NPSR1: variants seen among roughly 807,000 people sequenced by gnomAD.
NPSR1 encodes neuropeptide S receptor 1, also known as neuropeptide S receptor.
NPSR1 carries 48 observed loss-of-function variants against 46.9 expected under a neutral mutation model. That is an observed-to-expected ratio of 1.02 (90% CI 0.81 to 1.30). The LOEUF is 1.30. NPSR1 is among the 50% of genes most tolerant of loss of function. The pLI, the probability that NPSR1 is intolerant of heterozygous loss-of-function variation, is 0.00. For missense variants in NPSR1, 450 were observed against 449.5 expected (o/e 1.00, Z -0.01); for synonymous variants, 176 against 168.1 (o/e 1.05, Z -0.36).
chr7:34,764,481 T>C (rs1435836208), intron 2 of NPSR1, among the ~76,000 whole-genome samples: 1 of 152,222 alleles, frequency 6.6e-6, no homozygotes, highest in African/African-American at 2.4e-5. Flanking sequence ...GAATTGTCTA[T>C]GGTTGCTTCC....
intron 8 of NPSR1, among the ~76,000 whole-genome samples, chr7:34,858,002 T>A (rs939007289): frequency 6.6e-6 from 1 of 151,784 alleles, no homozygotes; most frequent in Non-Finnish European, 1.5e-5. Flanking sequence ...GATATATGAG[T>A]ATGCATATTG....
intron 2 of NPSR1, among the ~76,000 whole-genome samples, chr7:34,689,304 C>T (rs749046004): frequency 6.6e-6 from 1 of 152,132 alleles, no homozygotes. Flanking sequence ...TTGAACTGCA[C>T]AATACAATAA....
At chr7:34,756,562 G>C (rs1366699597) in intron 2 of NPSR1, among the ~76,000 whole-genome samples, 1 of 152,166 alleles carries the variant, frequency 6.6e-6, no homozygotes, top group Non-Finnish European at 1.5e-5. Flanking sequence ...CATGAAAGCA[G>C]CCATGAGCAA....
intron 1 of NPSR1, among the ~76,000 whole-genome samples, chr7:34,675,005 A>T (rs1792244114): frequency 6.6e-6 from 1 of 152,250 alleles, no homozygotes. Flanking sequence ...AAACTACTAG[A>T]GTAAGCAGGG....
At chr7:34,830,203 TGGCCCCCTG>T (rs939871464) in intron 5 of NPSR1, among the ~76,000 whole-genome samples, 4 of 151,998 alleles carry the variant, frequency 2.6e-5, no homozygotes, top group Non-Finnish European at 5.9e-5. Context: ...ACCTATATTC[TGGCCCCCTG>T]GGCTCAATTC....
intron 6 of NPSR1, among the ~76,000 whole-genome samples, chr7:34,842,636 C>T (rs1024802627): frequency 3.3e-5 from 5 of 152,198 alleles, no homozygotes; most frequent in African/African-American, 1.2e-4. Flanking sequence ...TTTGAAGACC[C>T]TAATAGTAGT....
At chr7:34,715,674 C>T (rs1367306016) in intron 2 of NPSR1, among the ~76,000 whole-genome samples, 1 of 152,180 alleles carries the variant, frequency 6.6e-6, no homozygotes, top group Non-Finnish European at 1.5e-5. Flanking sequence ...GTCCTCAGAT[C>T]AAAGCAGCCC....
intron 2 of NPSR1, chr7:34,711,173 C>A (rs888949669): frequency 2.0e-5 from 4 of 204,664 alleles, no homozygotes; most frequent in Non-Finnish European, 4.0e-5. Flanking sequence ...ATATATTGCA[C>A]GAGGGTACCC....
chr7:34,802,518 G>T (rs984164719), intron 3 of NPSR1, among the ~76,000 whole-genome samples: 1 of 150,440 alleles, frequency 6.6e-6, no homozygotes, highest in Non-Finnish European at 1.5e-5. Flanking sequence ...GCCATATGTA[G>T]AAAGCTGAAA....
At chr7:34,689,248 G>C (rs955098807) in intron 2 of NPSR1, among the ~76,000 whole-genome samples, 4 of 152,208 alleles carry the variant, frequency 2.6e-5, no homozygotes, top group African/African-American at 4.8e-5. Context: ...ATTTGAGTCA[G>C]CTGCAGCTGA....
intron 5 of NPSR1, among the ~76,000 whole-genome samples, chr7:34,832,738 TGTGTACATG>T (rs1301099927): frequency 6.6e-6 from 1 of 152,202 alleles, no homozygotes; most frequent in Non-Finnish European, 1.5e-5. Context: ...ACTTTTCCCC[TGTGTACATG>T]GTTGATAACC....
At chr7:34,755,797 T>A (rs79345539) in intron 2 of NPSR1, among the ~76,000 whole-genome samples, 19,804 of 151,234 alleles carry the variant, frequency 0.13, 1,571 homozygotes, top group Non-Finnish European at 0.18. Flanking sequence ...AAAAAAAAAA[T>A]AATAGTAATA....
rs140923295 is a variant in NPSR1, at chr7:34,847,044, C to G, written c.845-1439C>G. 5.6e-3 allele frequency among the ~76,000 whole-genome samples: 853 copies of G among 152,246 alleles called. 6 individuals carry two copies. Among genetic ancestry groups the G allele is most frequent in the Non-Finnish European group, 7.2e-3 (491 of 68,026 alleles). Reference sequence around the variant, plus strand: ...TTAGTGCCCCAAATACTGTTCAGCGCCAGTGTTTGGGTTAATTAATCAGGA... The same window carrying G: ...TTAGTGCCCCAAATACTGTTCAGCGGCAGTGTTTGGGTTAATTAATCAGGA... On this transcript the variant is annotated intron_variant, in intron 7 of 8. Coordinates refer to ENST00000360581, the MANE Select transcript of NPSR1 (RefSeq NM_207172.2).
chr7:34,685,922 T>G (rs1792905892), intron 2 of NPSR1: 2 of 244,094 alleles, frequency 8.2e-6, no homozygotes, highest in African/African-American at 2.4e-5. Flanking sequence ...TTTTCACTCC[T>G]ATAACCGTAG....
intron 6 of NPSR1, among the ~76,000 whole-genome samples, chr7:34,837,727 A>G (rs947858086): frequency 6.6e-6 from 1 of 152,222 alleles, no homozygotes; most frequent in Non-Finnish European, 1.5e-5. Context: ...ATGCACACAT[A>G]TCGAATGCAC....
At position 34,849,259 on chromosome 7, in the gene NPSR1, G is replaced by A. The variant is rs970729838; in HGVS notation, c.1026-306G>A. 2.4e-5 allele frequency: 25 copies of A among 1,044,756 alleles called. No individual in the cohort carries two copies. The Middle Eastern group carries it at 7.8e-4, about 33-fold the overall frequency. 64.7% of individuals were successfully genotyped at this position (1,044,756 alleles called of 1,614,324 possible). A position where few individuals can be genotyped will look rare whatever the true frequency, so the allele number is the denominator to read the frequency against. ...TATCTTGCCATTGTTTATTCGTAGC[G>A]ATGTGTGACCTTGGGCAAGTTATTT... On this transcript the variant is annotated intron_variant, in intron 8 of 8. Transcript: ENST00000360581.
intron 2 of NPSR1, among the ~76,000 whole-genome samples, chr7:34,699,323 A>G (rs184800742): frequency 1.3e-5 from 2 of 152,210 alleles, no homozygotes; most frequent in African/African-American, 4.8e-5. Context: ...CTACTAAAAA[A>G]TTTTTTAAAT....
At chr7:34,695,187 A>C (rs933935514) in intron 2 of NPSR1, among the ~76,000 whole-genome samples, 6 of 152,246 alleles carry the variant, frequency 3.9e-5, no homozygotes, top group Non-Finnish European at 2.9e-5. Context: ...ACCCATCTTT[A>C]ACAAAGCTGA....
intron 2 of NPSR1, among the ~76,000 whole-genome samples, chr7:34,758,719 AGTCT>A (rs1194567896): frequency 6.6e-6 from 1 of 152,198 alleles, no homozygotes; most frequent in Non-Finnish European, 1.5e-5. Flanking sequence ...TTCCTCTATC[AGTCT>A]ATCTATAATA....
Sources: allele counts gnomAD v4.1 joint callset (sites outside exome capture counted in the v4.1 genomes callset), GRCh38; gene constraint gnomAD v4.1.1; transcripts MANE v1.5; gene names NCBI Gene and HGNC (gene_info 2026-07-23, HGNC 2026-07-21).